SMYD4: variants seen among roughly 807,000 people sequenced by gnomAD.
SMYD4 encodes SET and MYND domain containing 4.
SMYD4 carries 68 observed loss-of-function variants against 72.8 expected under a neutral mutation model. That is an observed-to-expected ratio of 0.93 (90% confidence interval 0.77 to 1.14). The LOEUF (loss-of-function observed/expected upper bound fraction) is 1.14, where lower values mean the gene tolerates loss of function less well. Ranked by LOEUF, SMYD4 falls within the 50% of genes most tolerant of loss-of-function variation. The probability of loss-of-function intolerance (pLI) is 0.00; values close to 1 mark genes in which losing one functional copy is unlikely to be tolerated. For missense variants in SMYD4, 984 were observed against 1,003.7 expected (o/e 0.98, Z 0.27); for synonymous variants, 407 against 388.6 (o/e 1.05, Z -0.56).
Position 1,794,100 on chromosome 17 carries a change from TATATA to T in SMYD4, c.1537+5752_1537+5756del, listed in dbSNP as rs1434247486. On this transcript the variant is annotated intron_variant, in intron 5 of 10. Coordinates refer to ENST00000305513, the MANE Select transcript of SMYD4 (RefSeq NM_052928.3). Reference sequence around the variant, plus strand: ...ATATGTGTATATATATATATATATATATATATTTTTTTTTTTTTTTTTTTTTTGAG... The same window carrying T: ...ATATGTGTATATATATATATATATATTTTTTTTTTTTTTTTTTTTTTTGAG... Among the ~76,000 whole-genome samples, 13 of 22,546 alleles carry T rather than the reference TATATA, an allele frequency of 5.8e-4. 1 individual carries two copies. The highest frequency in any genetic ancestry group is 1.6e-3 in the African/African-American group (11 of 6,896). 14.8% of individuals were successfully genotyped at this position (22,546 alleles called of 152,430 possible).
chr17:1,814,456 C>T (rs747062317), intron 2 of SMYD4: 3 of 152,194 alleles, frequency 2.0e-5, no homozygotes, highest in Non-Finnish European at 4.4e-5. Flanking sequence ...TTTTATAAAA[C>T]ATTATCTTTG....
intron 5 of SMYD4, among the ~76,000 whole-genome samples, chr17:1,792,357 T>C (rs1909091198): frequency 6.6e-6 from 1 of 151,550 alleles, no homozygotes. Context: ...ATTTTAGAAT[T>C]AAAAATACAG....
chr17:1,828,191 C>T (rs1254106268), intron 1 of SMYD4, among the ~76,000 whole-genome samples, 185 bp from the exon 2 acceptor site: 1 of 151,718 alleles, frequency 6.6e-6, no homozygotes, highest in African/African-American at 2.4e-5. Flanking sequence ...TCTACTAAAA[C>T]TACAAAAAAA....
intron 2 of SMYD4, among the ~76,000 whole-genome samples, chr17:1,819,002 GT>G (rs1910766312): frequency 6.6e-6 from 1 of 151,668 alleles, no homozygotes; most frequent in South Asian, 2.1e-4. Flanking sequence ...CCAGAAAAAC[GT>G]TTCACATTCT....
Position 1,781,169 on chromosome 17 carries a change from C to T in SMYD4, c.*117G>A, listed in dbSNP as rs763747201. ...CTCCTGACATCAGGTGATCCGCCCA[C>T]CTTAGCCTCCCAAAGTGCTGGGATT... On this transcript the variant is annotated 3_prime_UTR_variant, in exon 11 of 11. Coordinates refer to ENST00000305513, the MANE Select transcript of SMYD4 (RefSeq NM_052928.3). The T allele has an allele frequency of 5.5e-5, 74 of 1,347,244 alleles. No homozygotes were observed. Among genetic ancestry groups the T allele is most frequent in the Non-Finnish European group, 6.4e-5 (64 of 993,538 alleles). 83.5% of individuals were successfully genotyped at this position (1,347,244 alleles called of 1,614,324 possible).
chr17:1,804,369 G>T (rs1164098778), intron 4 of SMYD4: 2 of 356,462 alleles, frequency 5.6e-6, no homozygotes, highest in Non-Finnish European at 1.1e-5. Flanking sequence ...TAGAGACAGG[G>T]TTCCACTGTG....
At chr17:1,793,436 T>C (rs1026960759) in intron 5 of SMYD4, among the ~76,000 whole-genome samples, 3 of 151,772 alleles carry the variant, frequency 2.0e-5, no homozygotes, top group African/African-American at 7.3e-5. Context: ...CTGACTCACA[T>C]GACTGCCTTT....
At chr17:1,785,439 G>GA (rs56261871) in intron 7 of SMYD4, among the ~76,000 whole-genome samples, 37,195 of 124,390 alleles carry the variant, frequency 0.3, 5,558 homozygotes, top group East Asian at 0.37. Flanking sequence ...AAAAGAAAAA[G>GA]AAAAAAAAAA....
At chr17:1,815,255 G>C (rs1371072083) in intron 2 of SMYD4, among the ~76,000 whole-genome samples, 1 of 151,894 alleles carries the variant, frequency 6.6e-6, no homozygotes, top group Admixed American at 6.6e-5. Context: ...GTAGAGACGG[G>C]GTTTCACCAT....
chr17:1,801,261 C>T (rs1389296281), intron 4 of SMYD4, among the ~76,000 whole-genome samples: 5 of 151,096 alleles, frequency 3.3e-5, no homozygotes, highest in Admixed American at 6.6e-5. Flanking sequence ...TTTTTTGAGA[C>T]GGAGTCTCGC....
At chr17:1,797,012 T>C (rs1180562512) in intron 5 of SMYD4, among the ~76,000 whole-genome samples, 1 of 149,806 alleles carries the variant, frequency 6.7e-6, no homozygotes, top group Non-Finnish European at 1.5e-5. Flanking sequence ...ACCAGGCCAG[T>C]CCTATTTTTA....
intron 5 of SMYD4, among the ~76,000 whole-genome samples, chr17:1,798,920 TAAAATAA>T (rs1909550822): frequency 6.6e-6 from 1 of 150,514 alleles, no homozygotes; most frequent in East Asian, 2.0e-4. Flanking sequence ...ATAAATAAAG[TAAAATAA>T]AAAATAAATT....
intron 4 of SMYD4, among the ~76,000 whole-genome samples, chr17:1,801,391 A>G (rs886841120): frequency 2.0e-5 from 3 of 151,584 alleles, no homozygotes; most frequent in African/African-American, 7.3e-5. Context: ...GGTGCCCGCC[A>G]CCACACCCAG....
chr17:1,784,316 C>T lies in SMYD4; in HGVS notation c.2020+10G>A. 6.2e-7 allele frequency: 1 copy of T among 1,614,090 alleles called. No individual in the cohort carries two copies. Among genetic ancestry groups the T allele is most frequent in the Non-Finnish European group, 8.5e-7 (1 of 1,179,974 alleles). On this transcript the variant is annotated intron_variant, in intron 8 of 10. Transcript: ENST00000305513. ...GGGGCTGGAGGACCAAAGCAGGGAG[C>T]CAGTCTCACCTAGTTCACCATCTCT...
At chr17:1,817,199 G>C (rs1910650695) in intron 2 of SMYD4, among the ~76,000 whole-genome samples, 1 of 151,906 alleles carries the variant, frequency 6.6e-6, no homozygotes, top group Non-Finnish European at 1.5e-5. Context: ...CACCACGCCT[G>C]GCTAATTTTT....
chr17:1,824,238 GA>G (rs1489399560), intron 2 of SMYD4, among the ~76,000 whole-genome samples: 1 of 152,164 alleles, frequency 6.6e-6, no homozygotes, highest in Non-Finnish European at 1.5e-5. Context: ...AGCTACTTGG[GA>G]GGCTGAGACA....
At chr17:1,789,359 C>A (rs2151222570) in intron 5 of SMYD4, among the ~76,000 whole-genome samples, 1 of 152,158 alleles carries the variant, frequency 6.6e-6, no homozygotes, top group African/African-American at 2.4e-5. Flanking sequence ...TGCACTCCAG[C>A]CTGGGTGACA....
At chr17:1,789,764 C>CCAAAAAAAA (rs71150816) in intron 5 of SMYD4, among the ~76,000 whole-genome samples, 3 of 90,096 alleles carry the variant, frequency 3.3e-5, no homozygotes, top group Non-Finnish European at 2.4e-5. Context: ...GACTCTGTCT[C>CCAAAAAAAA]AAAAAAAAAA....
chr17:1,802,910 T>C (rs1270531512), intron 4 of SMYD4, among the ~76,000 whole-genome samples: 2 of 152,176 alleles, frequency 1.3e-5, no homozygotes, highest in African/African-American at 4.8e-5. Flanking sequence ...TCCCAGCACT[T>C]TGGGAGGCTG....
Sources: allele counts gnomAD v4.1 joint callset (sites outside exome capture counted in the v4.1 genomes callset), GRCh38; gene constraint gnomAD v4.1.1; transcripts MANE v1.5; gene names NCBI Gene and HGNC (gene_info 2026-07-23, HGNC 2026-07-21).